Variants in ZBTB41 observed in about 807,000 individuals in gnomAD.
ZBTB41 encodes zinc finger and BTB domain-containing protein 41.
A neutral mutation model predicts 87.6 loss-of-function variants in ZBTB41; 42 were observed. The ratio of observed to expected loss-of-function variants is 0.48; its 90% CI spans 0.37 to 0.62. The LOEUF is 0.62. Ranked by LOEUF, ZBTB41 falls within the 20% of genes least tolerant of loss-of-function variation. The pLI is 0.00. For missense variants in ZBTB41, 799 were observed against 1,078.9 expected (o/e 0.74, Z 3.63); for synonymous variants, 364 against 364.0 (o/e 1.00, Z 0.00).
intron 2 of ZBTB41, among the ~76,000 whole-genome samples, chr1:197,195,732 T>A (rs564823366): frequency 2.0e-5 from 3 of 152,154 alleles, no homozygotes; most frequent in Non-Finnish European, 4.4e-5. Flanking sequence ...CCATCTGTCA[T>A]CTCCCTATTT....
chr1:197,171,876 G>A (rs1355680760), intron 10 of ZBTB41, among the ~76,000 whole-genome samples: 1 of 151,584 alleles, frequency 6.6e-6, no homozygotes, highest in Non-Finnish European at 1.5e-5. Flanking sequence ...ATCAGAAAAG[G>A]GAAAATTACA....
chr1:197,159,257 A>G lies in ZBTB41; in HGVS notation c.*102T>C. 1 of 1,164,556 alleles carries G rather than the reference A, an allele frequency of 8.6e-7. No individual in the cohort carries two copies. The highest frequency in any genetic ancestry group is 1.2e-6 in the Non-Finnish European group (1 of 818,088). 72.1% of individuals were successfully genotyped at this position (1,164,556 alleles called of 1,614,324 possible). A position where few individuals can be genotyped will look rare whatever the true frequency, so the allele number is the denominator to read the frequency against. On this transcript the variant is annotated 3_prime_UTR_variant, in exon 11 of 11. Coordinates refer to ENST00000367405, the MANE Select transcript of ZBTB41 (RefSeq NM_194314.3). ...TTGAAACTGTTCTGAGGACTTGAGA[A>G]ACTAGAGAAAACAAGAAAATAGCAG...
At position 197,156,990 on chromosome 1, in the gene ZBTB41, C is replaced by T. The variant is rs2125120491; in HGVS notation, c.*2369G>A. The T allele has an allele frequency of 6.6e-6, 1 of 152,192 alleles. No homozygotes were observed. 9.4% of individuals were successfully genotyped at this position (152,192 alleles called of 1,614,324 possible). A position where few individuals can be genotyped will look rare whatever the true frequency, so the allele number is the denominator to read the frequency against. On this transcript the variant is annotated 3_prime_UTR_variant, in exon 11 of 11. Transcript: ENST00000367405. ...GGAATATAGCTTGTTTTTACTATTT[C>T]AGGGCTGGTTATGAGGTTCAAATGA...
rs926216335 is a variant in ZBTB41, at chr1:197,158,024, C to T, written c.*1335G>A. 1.4e-4 allele frequency: 21 copies of T among 152,206 alleles called. No homozygotes were observed. Among genetic ancestry groups the T allele is most frequent in the Non-Finnish European group, 2.9e-5 (2 of 67,824 alleles). The allele number at this position is 152,206 out of a possible 1,614,324, so 9.4% of individuals were successfully genotyped here. ...AATGACATGCTAATAATAAATCAAC[C>T]CTGTCTAGTCTAATCTTCAAGCAAC... is the stretch of plus-strand genomic sequence containing the variant. On this transcript the variant is annotated 3_prime_UTR_variant, in exon 11 of 11. Coordinates refer to ENST00000367405, the MANE Select transcript of ZBTB41 (RefSeq NM_194314.3).
At chr1:197,181,167 C>T (rs1483319483) in intron 5 of ZBTB41, 50 bp from the exon 6 acceptor site, 1 of 1,516,212 alleles carries the variant, frequency 6.6e-7, no homozygotes, top group East Asian at 2.3e-5. Flanking sequence ...AGAGGAGATA[C>T]TAAGTTAAAT....
At chr1:197,192,529 T>C (rs1475333895) in intron 2 of ZBTB41, among the ~76,000 whole-genome samples, 2 of 152,342 alleles carry the variant, frequency 1.3e-5, no homozygotes, top group East Asian at 3.9e-4. Flanking sequence ...TGTCTATTAT[T>C]ATTACTGGGT....
At chr1:197,198,579 T>G (rs1660224257) in intron 2 of ZBTB41, among the ~76,000 whole-genome samples, 1 of 152,202 alleles carries the variant, frequency 6.6e-6, no homozygotes, top group South Asian at 2.1e-4. Flanking sequence ...CTGAAAAGTT[T>G]ACATTAGAAC....
At chr1:197,166,787 C>T (rs1003234425) in intron 10 of ZBTB41, among the ~76,000 whole-genome samples, 2 of 152,004 alleles carry the variant, frequency 1.3e-5, no homozygotes, top group African/African-American at 2.4e-5. Flanking sequence ...GTGGAGGTTG[C>T]GGTGAGCCAA....
chr1:197,197,728 T>C (rs1242897653), intron 2 of ZBTB41, among the ~76,000 whole-genome samples: 1 of 152,174 alleles, frequency 6.6e-6, no homozygotes. Context: ...CAAAGTATCT[T>C]GCGGTAAAAT....
At position 197,159,501 on chromosome 1, in the gene ZBTB41, G is replaced by GT. The variant is rs1659148216; in HGVS notation, c.2587dup (p.Thr863AsnfsTer14). 6.2e-7 allele frequency: 1 copy of GT among 1,613,950 alleles called. No homozygotes were observed. Among genetic ancestry groups the GT allele is most frequent in the South Asian group, 1.1e-5 (1 of 91,084 alleles). ...GTGAACTATATTTGCAGGTTGAGGA[G>GT]TAAGAGTATATTTTTCCAGAAAAGC... On this transcript the variant is annotated frameshift_variant, in exon 11 of 11. Transcript: ENST00000367405. LOFTEE classifies it high-confidence loss of function.
chr1:197,193,707 C>A (rs1200255852), intron 2 of ZBTB41, among the ~76,000 whole-genome samples: 1 of 152,184 alleles, frequency 6.6e-6, no homozygotes, highest in African/African-American at 2.4e-5. Flanking sequence ...CCACCACCAC[C>A]TCCCCCGCTG....
At chr1:197,196,127 A>G (rs865818535) in intron 2 of ZBTB41, among the ~76,000 whole-genome samples, 4 of 152,356 alleles carry the variant, frequency 2.6e-5, no homozygotes, top group Middle Eastern at 3.4e-3. Context: ...ACTAGCCAAG[A>G]GTAAGATACG....
rs1467818419 is a variant in ZBTB41 at position 197,175,050 on chromosome 1, G to C, written c.1945C>G (p.His649Asp). 1.2e-6 allele frequency: 2 copies of C among 1,610,826 alleles called. No individual in the cohort carries two copies. Among genetic ancestry groups the C allele is most frequent in the Admixed American group, 1.7e-5 (1 of 59,712 alleles). ...TCTCCAAGGTGTACGCTTTTGTAAT[G>C]AACAGTGAGATGATCCCTACGACCA... ...CFGRRDHLTV[H>D]YKSVHLGEKV... The change falls in exon 9 of 11, where the codon CAT becomes GAT. Residue 649 changes from histidine to aspartate, a missense_variant. This residue lies in a region of ZBTB41 where 198 missense variants were observed against 358.4 expected (regional missense o/e 0.55). Transcript: ENST00000367405.
chr1:197,157,403 T>C lies in ZBTB41; in HGVS notation c.*1956A>G, dbSNP rs936650303. The C allele has an allele frequency of 6.6e-6, 1 of 151,742 alleles. No homozygotes were observed. The highest frequency in any genetic ancestry group is 2.4e-5 in the African/African-American group (1 of 41,414). The allele number at this position is 151,742 out of a possible 1,614,324, so 9.4% of individuals were successfully genotyped here. A position where few individuals can be genotyped will look rare whatever the true frequency, so the allele number is the denominator to read the frequency against. On this transcript the variant is annotated 3_prime_UTR_variant, in exon 11 of 11. Transcript: ENST00000367405. Reference sequence around the variant, plus strand: ...ATATGTAAGGCAGGCTACATTTTTATGTATGATTTCTTTCATTATAGTAAG... The same window carrying C: ...ATATGTAAGGCAGGCTACATTTTTACGTATGATTTCTTTCATTATAGTAAG...
At chr1:197,166,622 G>T (rs564725762) in intron 10 of ZBTB41, among the ~76,000 whole-genome samples, 1 of 151,946 alleles carries the variant, frequency 6.6e-6, no homozygotes, top group East Asian at 1.9e-4. Flanking sequence ...GAGGTGGGTA[G>T]ATCACAAGGT....
chr1:197,174,318 A>C (rs887681295), intron 9 of ZBTB41, among the ~76,000 whole-genome samples: 1 of 152,148 alleles, frequency 6.6e-6, no homozygotes, highest in Non-Finnish European at 1.5e-5. Flanking sequence ...TCAGATTGCA[A>C]CAGTGGCTGG....
rs1659074414 is a variant in ZBTB41, at chr1:197,156,592, A to G, written c.*2767T>C. The G allele has an allele frequency of 6.6e-6, 1 of 152,286 alleles. No individual in the cohort carries two copies. The highest frequency in any genetic ancestry group is 2.4e-5 in the African/African-American group (1 of 41,430). The allele number at this position is 152,286 out of a possible 1,614,324, so 9.4% of individuals were successfully genotyped here. On this transcript the variant is annotated 3_prime_UTR_variant, in exon 11 of 11. Transcript: ENST00000367405. ...AAATATTACAAAAGGTCAACTGAAA[A>G]GAATAGGCCTCCTTTTATACTTTTT...
At chr1:197,165,847 A>G (rs987213638) in intron 10 of ZBTB41, among the ~76,000 whole-genome samples, 3 of 152,230 alleles carry the variant, frequency 2.0e-5, no homozygotes, top group Non-Finnish European at 4.4e-5. Flanking sequence ...AGCTCCCAGC[A>G]AGATCAACGC....
Position 197,178,440 on chromosome 1 carries a change from A to G in ZBTB41, c.1749T>C (p.Ser583=), listed in dbSNP as rs1212599504. The change falls in exon 7 of 11, where the codon AGT becomes AGC. Residue 583 remains serine (S), a synonymous_variant. Coordinates refer to ENST00000367405, the MANE Select transcript of ZBTB41 (RefSeq NM_194314.3). ...ACCTATACGAACTTCCATGACGAAA[A>G]CTTTGCCCACAAATACTACAAAGGT... The part of the protein sequence containing the change: ...KPHLCSICGQ[S]FRHGSSYRLH... 6.2e-7 allele frequency: 1 copy of G among 1,607,806 alleles called. No homozygotes were observed. Among genetic ancestry groups the G allele is most frequent in the African/African-American group, 1.3e-5 (1 of 74,562 alleles).
Sources: gnomAD v4.1 joint callset for allele counts (sites outside exome capture counted in the v4.1 genomes callset) on GRCh38, gnomAD v4.1.1 for gene constraint, gnomAD v4.1.1 regional missense constraint, MANE v1.5 for transcripts, NCBI Gene and HGNC (gene_info 2026-07-23, HGNC 2026-07-21) for gene names.